Variants in ORC5 observed in about 807,000 individuals in gnomAD.
ORC5 encodes the protein origin recognition complex subunit 5.
Under a neutral mutation model 58.8 loss-of-function variants are expected in ORC5, and 39 were observed. The ratio of observed to expected loss-of-function variants is 0.66; its 90% CI spans 0.51 to 0.87. The LOEUF is 0.87. Ranked by LOEUF, ORC5 falls within the 40% of genes least tolerant of loss-of-function variation. The probability of loss-of-function intolerance (pLI) is 0.00; values close to 1 mark genes in which losing one functional copy is unlikely to be tolerated. For missense variants in ORC5, 493 were observed against 506.3 expected, an observed-to-expected ratio of 0.97 and a Z score of 0.25; for synonymous variants, 218 against 177.6, an observed-to-expected ratio of 1.23 and a Z score of -1.81.
At chr7:104,151,624 A>G (rs1402090594) in intron 12 of ORC5, among the ~76,000 whole-genome samples, 1 of 152,234 alleles carries the variant, frequency 6.6e-6, no homozygotes, top group Non-Finnish European at 1.5e-5. Flanking sequence ...CTGAAAACCC[A>G]GGGAAAGATT....
intron 3 of ORC5, among the ~76,000 whole-genome samples, chr7:104,198,450 G>C (rs191648939): frequency 6.6e-6 from 1 of 152,202 alleles, no homozygotes; most frequent in Admixed American, 6.5e-5. Flanking sequence ...GAGAAGGGTG[G>C]CATTTTGCCC....
At chr7:104,127,412 G>A (rs1003565315) in intron 13 of ORC5, among the ~76,000 whole-genome samples, 1 of 152,104 alleles carries the variant, frequency 6.6e-6, no homozygotes, top group African/African-American at 2.4e-5. Flanking sequence ...TATGATCCAA[G>A]AATATGATAC....
chr7:104,207,725 C>A, intron 1 of ORC5, 108 bp downstream of exon 1: 1 of 956,910 alleles, frequency 1.0e-6, no homozygotes, highest in Non-Finnish European at 1.7e-6. Flanking sequence ...AACGTAAAAA[C>A]GGCCTTTTGG....
intron 4 of ORC5, among the ~76,000 whole-genome samples, chr7:104,195,840 G>A (rs1485108447): frequency 1.3e-5 from 2 of 152,092 alleles, no homozygotes; most frequent in East Asian, 3.9e-4. Flanking sequence ...TATATTGAGA[G>A]GCTTAAAAGA....
intron 3 of ORC5, among the ~76,000 whole-genome samples, chr7:104,199,159 A>AC (rs36091188): frequency 1.2e-4 from 12 of 98,638 alleles, no homozygotes; most frequent in African/African-American, 3.4e-4. Context: ...GTGGGGTTGG[A>AC]CCCCCCCTAC....
chr7:104,174,679 G>A (rs1216222461), intron 8 of ORC5, among the ~76,000 whole-genome samples: 1 of 152,198 alleles, frequency 6.6e-6, no homozygotes. Flanking sequence ...CCAATAGATA[G>A]AAACGCCTGA....
chr7:104,200,134 T>A (rs1799903471), intron 3 of ORC5, among the ~76,000 whole-genome samples: 2 of 152,236 alleles, frequency 1.3e-5, no homozygotes, highest in Admixed American at 1.3e-4. Flanking sequence ...CTATCCAGTC[T>A]TGGGTAGTTC....
chr7:104,166,646 G>A (rs1799112209), intron 10 of ORC5, 126 bp downstream of exon 10: 1 of 607,034 alleles, frequency 1.6e-6, no homozygotes, highest in Admixed American at 3.0e-5. Flanking sequence ...TAAAGAATGA[G>A]TCCTAAATAC....
At chr7:104,168,246 C>A in intron 9 of ORC5, 1 of 1,086,136 alleles carries the variant, frequency 9.2e-7, no homozygotes, top group Non-Finnish European at 1.2e-6. Context: ...TGATATAATC[C>A]AATATTTAGA....
intron 11 of ORC5, 96 bp from the exon 12 acceptor site, chr7:104,161,278 T>C: frequency 3.1e-6 from 2 of 651,794 alleles, no homozygotes; most frequent in South Asian, 1.8e-5. Context: ...ATTTTTGTTA[T>C]ATATAGTTCC....
chr7:104,136,993 C>A lies in ORC5; in HGVS notation c.1150-100G>T. 5 of 759,410 alleles carry A rather than the reference C, an allele frequency of 6.6e-6. No individual in the cohort carries two copies. The highest frequency in any genetic ancestry group is 5.1e-5 in the Admixed American group (2 of 39,542). 47.0% of individuals were successfully genotyped at this position (759,410 alleles called of 1,614,324 possible). ...GTCTGATAAAGATACATAACTGAAT[C>A]ACAAAAAACGTCTGCAAAGAAAATG... On this transcript the variant is annotated intron_variant, in intron 12 of 13. Transcript: ENST00000297431. The surrounding 1 kb of genome is among the most constrained non-coding windows in gnomAD (Gnocchi z 4.2).
At chr7:104,172,415 T>A (rs1799229745) in intron 8 of ORC5, among the ~76,000 whole-genome samples, 1 of 152,228 alleles carries the variant, frequency 6.6e-6, no homozygotes, top group South Asian at 2.1e-4. Context: ...TAATAGTATC[T>A]TTGTAGTATT....
chr7:104,178,075 G>A lies in ORC5; in HGVS notation c.824+5868C>T, dbSNP rs183159221. On this transcript the variant is annotated intron_variant, in intron 8 of 13. Coordinates refer to ENST00000297431, the MANE Select transcript of ORC5 (RefSeq NM_002553.4). ...TAGTAGAATGATTTACAATCCTTTG[G>A]GTATGTACCCAGTAATGGGATTGCT... 3.3e-5 allele frequency among the ~76,000 whole-genome samples: 5 copies of A among 152,214 alleles called. No homozygotes were observed. The East Asian group carries it at 5.8e-4, about 18-fold the overall frequency.
At chr7:104,156,205 G>T (rs1798923075) in intron 12 of ORC5, among the ~76,000 whole-genome samples, 1 of 151,274 alleles carries the variant, frequency 6.6e-6, no homozygotes, top group African/African-American at 2.4e-5. Flanking sequence ...GATAATGACT[G>T]CAAAATTGTA....
At chr7:104,152,883 A>G (rs982920918) in intron 12 of ORC5, among the ~76,000 whole-genome samples, 1 of 152,338 alleles carries the variant, frequency 6.6e-6, no homozygotes, top group African/African-American at 2.4e-5. Flanking sequence ...TAAATCCCTT[A>G]GGCAGTTTTT....
intron 12 of ORC5, among the ~76,000 whole-genome samples, chr7:104,140,494 A>G (rs1344337087): frequency 2.0e-5 from 3 of 152,060 alleles, no homozygotes; most frequent in Admixed American, 6.5e-5. Context: ...TTTATTTCCA[A>G]CTTACAGAGT....
At position 104,133,747 on chromosome 7, in the gene ORC5, G is replaced by C. The variant is rs933592438; in HGVS notation, c.1262+3034C>G. On this transcript the variant is annotated intron_variant, in intron 13 of 13. Coordinates refer to ENST00000297431, the MANE Select transcript of ORC5 (RefSeq NM_002553.4). The surrounding 1 kb of genome is among the most constrained non-coding windows in gnomAD (Gnocchi z 4.7). ...GCCTAAAGGAACAGTTATATTTAAAGGTCAGATGGTAAAGATAGCCTTTGT... is the reference window on the plus strand; with the variant it reads ...GCCTAAAGGAACAGTTATATTTAAACGTCAGATGGTAAAGATAGCCTTTGT... Among the ~76,000 whole-genome samples the C allele has an allele frequency of 5.9e-5, 9 of 152,070 alleles. No individual in the cohort carries two copies. Among genetic ancestry groups the C allele is most frequent in the Non-Finnish European group, 8.8e-5 (6 of 68,026 alleles).
intron 1 of ORC5, among the ~76,000 whole-genome samples, chr7:104,205,921 C>T (rs2299415): frequency 0.25 from 38,306 of 152,020 alleles, 5,070 homozygotes; most frequent in South Asian, 0.33. Flanking sequence ...GGTGGGCGGA[C>T]TGCTTGAGCC....
chr7:104,160,416 C>A (rs1435766678), intron 12 of ORC5, among the ~76,000 whole-genome samples: 1 of 152,134 alleles, frequency 6.6e-6, no homozygotes, highest in African/African-American at 2.4e-5. Flanking sequence ...CTAGTTATAT[C>A]ATTTTGCTTT....
Sources: gnomAD v4.1 joint callset for allele counts (sites outside exome capture counted in the v4.1 genomes callset) on GRCh38, gnomAD v4.1.1 for gene constraint, Gnocchi (gnomAD v3.1) non-coding constraint, MANE v1.5 for transcripts, NCBI Gene and HGNC (gene_info 2026-07-23, HGNC 2026-07-21) for gene names.